SNAP47: variants seen among roughly 807,000 people sequenced by gnomAD.
SNAP47 encodes the protein synaptosome associated protein 47, also known as synaptosomal-associated protein 47.
In SNAP47, 20 loss-of-function variants were observed where a neutral mutation model predicts 31.4. The observed-to-expected ratio is 0.64, with a 90% CI of 0.45 to 0.93. The LOEUF is 0.93. SNAP47 is among the 40% of genes least tolerant of loss of function. SNAP47 has a pLI of 0.00. For missense variants in SNAP47, 492 were observed against 528.5 expected (o/e 0.93, Z 0.68); for synonymous variants, 194 against 213.4 (o/e 0.91, Z 0.79).
intron 1 of SNAP47, among the ~76,000 whole-genome samples, chr1:227,745,029 T>A (rs1018978526): frequency 6.6e-6 from 1 of 152,220 alleles, no homozygotes; most frequent in African/African-American, 2.4e-5. Flanking sequence ...CTGTGTGGCC[T>A]GTGTGGCTGT....
Position 227,762,089 on chromosome 1 carries a change from G to A in SNAP47, c.988+2604G>A, listed in dbSNP as rs895883324. ...TCACTTGCACAGCTGCACCCGGCCCGTGGTGTTTTGAGTACCTGGGGCAGC... is the reference window on the plus strand; with the variant it reads ...TCACTTGCACAGCTGCACCCGGCCCATGGTGTTTTGAGTACCTGGGGCAGC... On this transcript the variant is annotated intron_variant, in intron 3 of 4. Coordinates refer to ENST00000617596, the MANE Select transcript of SNAP47 (RefSeq NM_053052.4). This position sits in a 1 kb window ranked among gnomAD's most constrained non-coding sequence, Gnocchi z 4.2. Among the ~76,000 whole-genome samples the A allele has an allele frequency of 5.3e-5, 8 of 152,212 alleles. 1 individual carries two copies. The South Asian group carries it at 1.4e-3, about 28-fold the overall frequency.
In SNAP47 at chr1:227,741,291, G is replaced by T. The variant is rs890992685; in HGVS notation, c.-46+5792G>T. Among the ~76,000 whole-genome samples the T allele has an allele frequency of 6.6e-6, 1 of 152,154 alleles. No individual in the cohort carries two copies. Among genetic ancestry groups the T allele is most frequent in the Non-Finnish European group, 1.5e-5 (1 of 68,014 alleles). ...GTGCAAGGAGGAGAGGTTGTGCCCT[G>T]TGCAGTCAGGTGCATGAGGAGGCTA... is the stretch of plus-strand genomic sequence containing the variant. On this transcript the variant is annotated intron_variant, in intron 1 of 4. Coordinates refer to ENST00000617596, the MANE Select transcript of SNAP47 (RefSeq NM_053052.4). The surrounding 1 kb of genome is among the most constrained non-coding windows in gnomAD (Gnocchi z 4.2).
rs189601758 is a variant in SNAP47 at position 227,768,201 on chromosome 1, C to T, written c.1113+1118C>T. The T allele has an allele frequency of 1.7e-3, 1,368 of 825,046 alleles. 3 individuals carry two copies. The highest frequency in any genetic ancestry group is 1.9e-3 in the Non-Finnish European group (1,301 of 683,136). The allele number at this position is 825,046 out of a possible 1,614,324, so 51.1% of individuals were successfully genotyped here. A position where few individuals can be genotyped will look rare whatever the true frequency, so the allele number is the denominator to read the frequency against. On this transcript the variant is annotated intron_variant, in intron 4 of 4. Coordinates refer to ENST00000617596, the MANE Select transcript of SNAP47 (RefSeq NM_053052.4). ...AGGGTGTGTCCCACAGGGTATGTGG[C>T]GCACATGCAGTCTCCAGGTGCAGCT...
chr1:227,775,557 G>C (rs1339274370), intron 4 of SNAP47, among the ~76,000 whole-genome samples: 1 of 152,230 alleles, frequency 6.6e-6, no homozygotes, highest in Non-Finnish European at 1.5e-5. Flanking sequence ...GGCCGTGCGT[G>C]CCTCTGGAGC....
In SNAP47 at chr1:227,751,493, G is replaced by A. The variant is rs749947630; in HGVS notation, c.497+3260G>A. Among the ~76,000 whole-genome samples, 8 of 152,216 alleles carry A rather than the reference G, an allele frequency of 5.3e-5. No homozygotes were observed. In the East Asian group the frequency reaches 7.7e-4, roughly 15 times the overall value. ...GCTCAGAGTTCTTTCCCGCCAGGCA[G>A]GAGGATTGAGGTCGTCAGCCTGGCA... On this transcript the variant is annotated intron_variant, in intron 2 of 4. Coordinates refer to ENST00000617596, the MANE Select transcript of SNAP47 (RefSeq NM_053052.4).
chr1:227,759,335 T>C lies in SNAP47; in HGVS notation c.838T>C (p.Tyr280His), dbSNP rs1662915237. ...QRFIGKPDMA[Y>H]RLISAKMPEV... is the part of the protein sequence containing the mutation. ...GTTTATTGGAAAGCCAGACATGGCC[T>C]ATCGTTTGATATCTGCCAAGATGCC... Residue 280 changes from tyrosine (Y) to histidine (H), a missense_variant, in exon 3 of 5, where the codon TAT (tyrosine) becomes CAT (histidine). Physicochemically the swap from Tyr to His is moderately conservative, Grantham distance 83. Coordinates refer to ENST00000617596, the MANE Select transcript of SNAP47 (RefSeq NM_053052.4). The C allele has an allele frequency of 7.4e-6, 12 of 1,614,156 alleles. No homozygotes were observed. The highest frequency in any genetic ancestry group is 1.7e-5 in the Admixed American group (1 of 60,014).
chr1:227,766,884 C>T (rs1343385742), intron 3 of SNAP47, 75 bp from the exon 4 acceptor site: 21 of 1,582,246 alleles, frequency 1.3e-5, no homozygotes, highest in Admixed American at 1.7e-5. Flanking sequence ...AAAGACCACG[C>T]TCTGCCATCC....
chr1:227,770,113 G>T (rs1663698838), intron 4 of SNAP47, among the ~76,000 whole-genome samples: 3 of 152,224 alleles, frequency 2.0e-5, no homozygotes, highest in African/African-American at 7.2e-5. Context: ...CAGGTCCCAG[G>T]GGTTGCTTGG....
chr1:227,780,541 G>A lies in SNAP47; in HGVS notation c.1128G>A (p.Met376Ile). The A allele has an allele frequency of 6.2e-7, 1 of 1,614,096 alleles. No homozygotes were observed. The highest frequency in any genetic ancestry group is 1.1e-5 in the South Asian group (1 of 91,086). ...CTTCTCCCCAGATCCTGAGGAGGATGAAGGGGCTGGCCCTGGAGGCCGAGA... is the reference window on the plus strand; with the variant it reads ...CTTCTCCCCAGATCCTGAGGAGGATAAAGGGGCTGGCCCTGGAGGCCGAGA... Reference protein sequence around the residue: ...TQELTQILRRMKGLALEAESE... With the variant: ...TQELTQILRRIKGLALEAESE... The change falls in exon 5 of 5, where the codon ATG becomes ATA. Residue 376 changes from methionine to isoleucine, a missense_variant. Met to Ile is a conservative substitution (Grantham distance 10, BLOSUM62 1). Transcript: ENST00000617596.
At chr1:227,768,476 G>T in intron 4 of SNAP47, 1 of 272,892 alleles carries the variant, frequency 3.7e-6, no homozygotes, top group Non-Finnish European at 5.6e-6. Context: ...TCTTATGCCT[G>T]TTTTTAAAAA....
chr1:227,747,409 G>T (rs1324950782), intron 1 of SNAP47, among the ~76,000 whole-genome samples: 2 of 152,202 alleles, frequency 1.3e-5, no homozygotes, highest in Non-Finnish European at 2.9e-5. Context: ...GGCACAGAGT[G>T]TGGTGAGGGG....
intron 1 of SNAP47, among the ~76,000 whole-genome samples, chr1:227,729,630 C>T (rs141801793): frequency 1.6e-4 from 24 of 152,066 alleles, no homozygotes; most frequent in African/African-American, 4.6e-4. Context: ...GGTCAGCAGG[C>T]GGAAAGGCAC....
chr1:227,735,193 C>T (rs1398321545), upstream of SNAP47: 3 of 1,581,588 alleles, frequency 1.9e-6, no homozygotes, highest in Non-Finnish European at 2.6e-6. Flanking sequence ...CTACCCGGCC[C>T]GGAGCCTGGC....
At position 227,759,070 on chromosome 1, in the gene SNAP47, G is replaced by A. The variant is rs1335917753; in HGVS notation, c.573G>A (p.Lys191=). The stretch of plus-strand genomic sequence containing the variant: ...TTTGGAAGACACCACCGGAAACAAA[G>A]CCCAGGGAAGATGTCTCCATGACCA... The part of the protein sequence containing the change: ...SKLWKTPPET[K]PREDVSMTSC... The change falls in exon 3 of 5, where the codon AAG becomes AAA. Residue 191 remains lysine (K), a synonymous_variant. Transcript: ENST00000617596. The A allele has an allele frequency of 1.2e-6, 2 of 1,614,088 alleles. No homozygotes were observed. Among genetic ancestry groups the A allele is most frequent in the African/African-American group, 1.3e-5 (1 of 74,930 alleles).
At position 227,780,752 on chromosome 1, in the gene SNAP47, C is replaced by T. The variant is rs1664416684; in HGVS notation, c.*79C>T. 2 of 1,583,288 alleles carry T rather than the reference C, an allele frequency of 1.3e-6. No homozygotes were observed. Among genetic ancestry groups the T allele is most frequent in the African/African-American group, 2.7e-5 (2 of 74,474 alleles). The stretch of plus-strand genomic sequence containing the variant: ...GGGCTGGGCGGCAGTGCCAGGGCTG[C>T]AGAGGCCTGTGGCCCTCCGGAGTGG... On this transcript the variant is annotated 3_prime_UTR_variant, in exon 5 of 5. Transcript: ENST00000617596.
chr1:227,729,864 C>T (rs1045647770), intron 1 of SNAP47, among the ~76,000 whole-genome samples: 4 of 152,176 alleles, frequency 2.6e-5, no homozygotes, highest in African/African-American at 7.2e-5. Flanking sequence ...TCTGTGTCCT[C>T]CCAGGCTAGA....
intron 4 of SNAP47, among the ~76,000 whole-genome samples, chr1:227,778,524 C>T (rs1403345324): frequency 6.6e-6 from 1 of 152,238 alleles, no homozygotes. Context: ...CAGGAGGCCT[C>T]CTCACAGGAT....
intron 2 of SNAP47, among the ~76,000 whole-genome samples, chr1:227,758,464 CTG>C (rs1254027556): frequency 1.3e-5 from 2 of 152,214 alleles, no homozygotes; most frequent in Non-Finnish European, 2.9e-5. Flanking sequence ...CAACAGGAAT[CTG>C]GAGCATGCGG....
upstream of SNAP47, chr1:227,732,569 G>A (rs372556713): frequency 1.5e-5 from 25 of 1,613,488 alleles, no homozygotes; most frequent in African/African-American, 2.7e-5. Flanking sequence ...ACCCAGCACC[G>A]TCCTCAGCGG....
Sources: allele counts gnomAD v4.1 joint callset (sites outside exome capture counted in the v4.1 genomes callset), GRCh38; gene constraint gnomAD v4.1.1; non-coding constraint Gnocchi (gnomAD v3.1); transcripts MANE v1.5; gene names NCBI Gene and HGNC (gene_info 2026-07-23, HGNC 2026-07-21).